TENM4: variants seen among roughly 807,000 people sequenced by gnomAD.
TENM4 encodes teneurin transmembrane protein 4, also known as teneurin-4.
Under a neutral mutation model 243.3 loss-of-function variants are expected in TENM4, and 82 were observed. The observed-to-expected ratio is 0.34, with a 90% confidence interval of 0.28 to 0.40. The LOEUF (loss-of-function observed/expected upper bound fraction) is 0.40. TENM4 is among the 10% of genes least tolerant of loss of function. The pLI is 1.00. For missense variants in TENM4, 3,138 were observed against 3,673.3 expected (o/e 0.85, Z 3.77); for synonymous variants, 1,412 against 1,456.3 (o/e 0.97, Z 0.69).
intron 4 of TENM4, among the ~76,000 whole-genome samples, chr11:79,078,693 C>G (rs1860590019): frequency 6.6e-6 from 1 of 152,178 alleles, no homozygotes; most frequent in African/African-American, 2.4e-5. Flanking sequence ...AATCCCTGGC[C>G]TTTTTCAACA....
chr11:79,017,825 A>T (rs566563194), intron 6 of TENM4, among the ~76,000 whole-genome samples: 1 of 152,340 alleles, frequency 6.6e-6, no homozygotes, highest in Admixed American at 6.5e-5. Flanking sequence ...GGCCCTGTGT[A>T]CAGGGCTCAG....
chr11:79,401,721 A>C (rs1787538584), intron 1 of TENM4, among the ~76,000 whole-genome samples: 1 of 152,208 alleles, frequency 6.6e-6, no homozygotes, highest in African/African-American at 2.4e-5. Flanking sequence ...CTTTTCCATC[A>C]AGCTCAGTCC....
chr11:79,409,095 T>C (rs1300457552), intron 1 of TENM4, among the ~76,000 whole-genome samples: 3 of 106,948 alleles, frequency 2.8e-5, no homozygotes, highest in Non-Finnish European at 4.0e-5. Context: ...TGTGTGTGTG[T>C]GTGTGTGCGC....
chr11:78,936,796 C>T (rs761096824), intron 6 of TENM4, among the ~76,000 whole-genome samples: 35 of 152,134 alleles, frequency 2.3e-4, no homozygotes, highest in South Asian at 6.2e-4. Context: ...CTATTGCTAA[C>T]GACAAGGTAG....
At chr11:79,007,619 G>A (rs1858525880) in intron 6 of TENM4, among the ~76,000 whole-genome samples, 1 of 152,118 alleles carries the variant, frequency 6.6e-6, no homozygotes, top group Non-Finnish European at 1.5e-5. Flanking sequence ...CCTTCCAGAG[G>A]GCTGTGGGTG....
chr11:78,820,023 T>G (rs1302773707), intron 12 of TENM4, among the ~76,000 whole-genome samples: 1 of 152,176 alleles, frequency 6.6e-6, no homozygotes, highest in African/African-American at 2.4e-5. Context: ...CATTTATACT[T>G]CAGGTTACAC....
intron 29 of TENM4, among the ~76,000 whole-genome samples, chr11:78,684,337 C>T (rs1858603021): frequency 6.6e-6 from 1 of 152,236 alleles, no homozygotes. Flanking sequence ...AATAATTGTA[C>T]CCTGCTTTGC....
At chr11:78,819,125 A>G (rs889644312) in intron 12 of TENM4, among the ~76,000 whole-genome samples, 3 of 152,136 alleles carry the variant, frequency 2.0e-5, no homozygotes, top group African/African-American at 7.2e-5. Flanking sequence ...ACAAAGGGGC[A>G]ACTGCAGAAG....
At chr11:79,366,996 A>G (rs1857689128) in intron 1 of TENM4, among the ~76,000 whole-genome samples, 1 of 152,236 alleles carries the variant, frequency 6.6e-6, no homozygotes, top group Admixed American at 6.5e-5. Flanking sequence ...AAATAATAAT[A>G]CAATAGGTAT....
intron 12 of TENM4, among the ~76,000 whole-genome samples, chr11:78,847,777 A>G (rs1858434165): frequency 6.6e-6 from 1 of 152,242 alleles, no homozygotes; most frequent in Non-Finnish European, 1.5e-5. Context: ...AAGGAGAGGT[A>G]GAGAAGGGGC....
intron 15 of TENM4, among the ~76,000 whole-genome samples, chr11:78,793,762 T>C (rs1464732891): frequency 6.6e-6 from 1 of 152,230 alleles, no homozygotes; most frequent in Non-Finnish European, 1.5e-5. Flanking sequence ...CATATCATAG[T>C]TGAGGAAACA....
chr11:79,175,380 ATCAGTGCTGGGTAC>A (rs1863140621), intron 3 of TENM4, among the ~76,000 whole-genome samples: 1 of 152,244 alleles, frequency 6.6e-6, no homozygotes, highest in Admixed American at 6.5e-5. Flanking sequence ...CCAACTGAAT[ATCAGTGCTGGGTAC>A]TCATTGTAGT....
chr11:79,150,860 A>G (rs7114256), intron 3 of TENM4, among the ~76,000 whole-genome samples: 8,429 of 152,296 alleles, frequency 0.055, 340 homozygotes, highest in Non-Finnish European at 0.078. Context: ...TTAAGGGCAT[A>G]CCAATCACTG....
intron 6 of TENM4, among the ~76,000 whole-genome samples, chr11:78,935,967 G>T (rs651678): frequency 0.5 from 75,820 of 152,032 alleles, 22,606 homozygotes; most frequent in East Asian, 0.76. Flanking sequence ...GATCTGTAAG[G>T]GCCCTCTGAG....
intron 2 of TENM4, among the ~76,000 whole-genome samples, chr11:79,254,282 C>T (rs1045614845): frequency 1.3e-5 from 2 of 152,074 alleles, no homozygotes; most frequent in Admixed American, 6.6e-5. Context: ...CTGAGGTAAA[C>T]GATGTATGGC....
chr11:78,767,827 T>C lies in TENM4; in HGVS notation c.2539+3165A>G, dbSNP rs1456824199. On this transcript the variant is annotated intron_variant, in intron 18 of 33. Coordinates refer to ENST00000278550, the MANE Select transcript of TENM4 (RefSeq NM_001098816.3). Reference sequence around the variant, plus strand: ...ATAAAGGCACTTATTTAATTCTGCTTCCATTAGATTGAGTCATCTGGATGA... The same window carrying C: ...ATAAAGGCACTTATTTAATTCTGCTCCCATTAGATTGAGTCATCTGGATGA... Among the ~76,000 whole-genome samples the C allele has an allele frequency of 2.6e-5, 4 of 152,220 alleles. No individual in the cohort carries two copies. In the East Asian group the frequency reaches 7.7e-4, roughly 29 times the overall value.
At chr11:79,040,646 G>A (rs566675607) in intron 6 of TENM4, among the ~76,000 whole-genome samples, 9 of 152,300 alleles carry the variant, frequency 5.9e-5, no homozygotes, top group African/African-American at 2.2e-4. Flanking sequence ...ATCTTGGCCA[G>A]CACAGCCTGG....
chr11:79,396,965 T>C (rs939951395), intron 1 of TENM4, among the ~76,000 whole-genome samples: 1 of 152,210 alleles, frequency 6.6e-6, no homozygotes, highest in Non-Finnish European at 1.5e-5. Flanking sequence ...CTGCCTTTCA[T>C]TTCCTCTTTG....
chr11:78,699,186 A>G (rs1389251455), intron 28 of TENM4, among the ~76,000 whole-genome samples: 1 of 152,218 alleles, frequency 6.6e-6, no homozygotes, highest in Non-Finnish European at 1.5e-5. Flanking sequence ...AGTACTTATA[A>G]TCAATCAGAC....
Sources: allele counts gnomAD v4.1 joint callset (sites outside exome capture counted in the v4.1 genomes callset), GRCh38; gene constraint gnomAD v4.1.1; transcripts MANE v1.5; gene names NCBI Gene and HGNC (gene_info 2026-07-23, HGNC 2026-07-21).